Variants in AFF3 observed in about 807,000 individuals in gnomAD.
AFF3 encodes the protein ALF transcription elongation factor 3.
AFF3 carries 32 observed loss-of-function variants against 129.7 expected under a neutral mutation model. The observed-to-expected ratio is 0.25, with a 90% confidence interval of 0.19 to 0.33. The LOEUF is 0.33. Among genes scored for constraint, AFF3 ranks in the 10% least tolerant of loss-of-function variants. AFF3 has a pLI of 1.00. For missense variants in AFF3, 1,373 were observed against 1,592.0 expected, an observed-to-expected ratio of 0.86 and a Z score of 2.34; for synonymous variants, 644 against 635.4, an observed-to-expected ratio of 1.01 and a Z score of -0.20.
intron 8 of AFF3, among the ~76,000 whole-genome samples, chr2:99,801,056 A>G (rs1685905820): frequency 6.6e-6 from 1 of 152,230 alleles, no homozygotes; most frequent in African/African-American, 2.4e-5. Flanking sequence ...CTTACATATA[A>G]TTATACATAT....
intron 7 of AFF3, among the ~76,000 whole-genome samples, chr2:99,925,086 T>G (rs1294085882): frequency 6.6e-6 from 1 of 151,846 alleles, no homozygotes; most frequent in African/African-American, 2.4e-5. Flanking sequence ...CTATGTTGCC[T>G]AGGATGGTCT....
At chr2:99,855,718 G>A (rs1229771913) in intron 7 of AFF3, among the ~76,000 whole-genome samples, 2 of 152,286 alleles carry the variant, frequency 1.3e-5, no homozygotes, top group East Asian at 3.9e-4. Flanking sequence ...TCAAGAAGGT[G>A]GAGCGTAACT....
chr2:99,642,556 G>C (rs1159033734), intron 13 of AFF3, among the ~76,000 whole-genome samples: 2 of 152,210 alleles, frequency 1.3e-5, no homozygotes, highest in African/African-American at 4.8e-5. Context: ...CATTGGTCTA[G>C]CTCATCCATT....
chr2:99,665,998 A>G (rs960109797), intron 12 of AFF3, among the ~76,000 whole-genome samples: 5 of 152,190 alleles, frequency 3.3e-5, no homozygotes, highest in African/African-American at 1.2e-4. Context: ...ATGGGGTCAT[A>G]ATGAGATCAA....
intron 7 of AFF3, among the ~76,000 whole-genome samples, chr2:99,867,004 A>AT (rs1347678890): frequency 0.1 from 10,279 of 102,454 alleles, 521 homozygotes; most frequent in South Asian, 0.13. Context: ...TAATAATAAA[A>AT]AATAAATAAA....
intron 7 of AFF3, among the ~76,000 whole-genome samples, chr2:99,928,081 T>C (rs1696402900): frequency 6.6e-6 from 1 of 152,214 alleles, no homozygotes; most frequent in African/African-American, 2.4e-5. Context: ...TCCGCCATGA[T>C]TGTGAGGCCT....
At chr2:99,569,669 C>A (rs192925453) in intron 18 of AFF3, among the ~76,000 whole-genome samples, 1 of 152,094 alleles carries the variant, frequency 6.6e-6, no homozygotes, top group Non-Finnish European at 1.5e-5. Context: ...GGCCCAGTTA[C>A]GCTAAGGTAC....
At chr2:99,870,738 T>C (rs1169123729) in intron 7 of AFF3, among the ~76,000 whole-genome samples, 1 of 152,200 alleles carries the variant, frequency 6.6e-6, no homozygotes, top group African/African-American at 2.4e-5. Flanking sequence ...GCAGACAATA[T>C]AGCTTTTTGT....
chr2:99,857,016 T>C (rs1293288626), intron 7 of AFF3, among the ~76,000 whole-genome samples: 1 of 152,164 alleles, frequency 6.6e-6, no homozygotes, highest in Non-Finnish European at 1.5e-5. Flanking sequence ...ATTAAGTTCC[T>C]CGGTCCTTTC....
At chr2:99,698,587 C>T (rs1238119096) in intron 11 of AFF3, among the ~76,000 whole-genome samples, 1 of 152,232 alleles carries the variant, frequency 6.6e-6, no homozygotes, top group Non-Finnish European at 1.5e-5. Context: ...CCAATAATTG[C>T]TATCCATTTA....
intron 7 of AFF3, among the ~76,000 whole-genome samples, chr2:99,984,259 T>G (rs1018926578): frequency 1.5e-4 from 23 of 152,340 alleles, no homozygotes; most frequent in African/African-American, 5.5e-4. Context: ...AGGTATCAAT[T>G]GCTTCCAGTG....
chr2:99,967,014 A>C (rs1370385432), intron 7 of AFF3, among the ~76,000 whole-genome samples: 3 of 152,148 alleles, frequency 2.0e-5, no homozygotes, highest in African/African-American at 7.2e-5. Context: ...GTTTATATTC[A>C]TAAGTTGGAA....
At chr2:99,988,154 A>C (rs544814230) in intron 7 of AFF3, among the ~76,000 whole-genome samples, 1 of 152,228 alleles carries the variant, frequency 6.6e-6, no homozygotes, top group African/African-American at 2.4e-5. Context: ...GATGGTAGAC[A>C]ACAGAGAAGC....
intron 7 of AFF3, among the ~76,000 whole-genome samples, chr2:99,948,511 A>C (rs1675846348): frequency 6.6e-6 from 1 of 152,234 alleles, no homozygotes; most frequent in Non-Finnish European, 1.5e-5. Flanking sequence ...TTTCATTTGG[A>C]ACAGAGAAAC....
intron 12 of AFF3, among the ~76,000 whole-genome samples, chr2:99,651,423 A>G (rs1685241641): frequency 2.0e-5 from 3 of 151,792 alleles, no homozygotes. Flanking sequence ...TCCTCTTTGC[A>G]TGATACACAG....
At chr2:99,910,139 C>T (rs1695014180) in intron 7 of AFF3, among the ~76,000 whole-genome samples, 1 of 152,068 alleles carries the variant, frequency 6.6e-6, no homozygotes, top group Non-Finnish European at 1.5e-5. Flanking sequence ...CAATGCTATC[C>T]CCTGCCTCAG....
intron 11 of AFF3, among the ~76,000 whole-genome samples, chr2:99,680,902 G>C (rs1169179124): frequency 6.6e-6 from 1 of 152,168 alleles, no homozygotes; most frequent in African/African-American, 2.4e-5. Flanking sequence ...AGCTATACCA[G>C]CGTTCACACA....
Position 99,554,236 on chromosome 2 carries a change from C to T in AFF3, c.3559+75G>A. On this transcript the variant is annotated intron_variant, in intron 24 of 24. Coordinates refer to ENST00000672756, the MANE Select transcript of AFF3 (RefSeq NM_001386135.1). ...CAACTGTGTGAGTATCCCAGCTACT[C>T]AGGAGGCCGAGGCAGAAGAATCGCT... 5.3e-6 allele frequency: 8 copies of T among 1,507,790 alleles called. No individual in the cohort carries two copies. In the South Asian group the frequency reaches 5.7e-5, roughly 11 times the overall value. The allele number at this position is 1,507,790 out of a possible 1,614,324, so 93.4% of individuals were successfully genotyped here.
chr2:99,877,320 T>C (rs550510245), intron 7 of AFF3, among the ~76,000 whole-genome samples: 236 of 152,298 alleles, frequency 1.5e-3, no homozygotes, highest in Middle Eastern at 6.8e-3. Flanking sequence ...AGGAAGATGA[T>C]GAGCTCAGTT....
Sources: gnomAD v4.1 joint callset for allele counts (sites outside exome capture counted in the v4.1 genomes callset) on GRCh38, gnomAD v4.1.1 for gene constraint, MANE v1.5 for transcripts, NCBI Gene and HGNC (gene_info 2026-07-23, HGNC 2026-07-21) for gene names.